CNTN4: variants seen among roughly 807,000 people sequenced by gnomAD.
The protein encoded by CNTN4 is contactin-4.
CNTN4 carries 77 observed loss-of-function variants against 122.5 expected under a neutral mutation model. The ratio of observed to expected loss-of-function variants is 0.63; its 90% CI spans 0.52 to 0.76. CNTN4 has a LOEUF of 0.76. Among genes scored for constraint, CNTN4 ranks in the 30% least tolerant of loss-of-function variants. The pLI, the probability that CNTN4 is intolerant of heterozygous loss-of-function variation, is 0.00. For synonymous variants in CNTN4, 512 were observed against 447.0 expected, an observed-to-expected ratio of 1.15 and a Z score of -1.83; for missense variants, 1,256 against 1,259.1, an observed-to-expected ratio of 1.00 and a Z score of 0.04.
At chr3:2,918,707 A>G (rs992309220) in intron 12 of CNTN4, among the ~76,000 whole-genome samples, 3 of 152,224 alleles carry the variant, frequency 2.0e-5, no homozygotes, top group African/African-American at 7.2e-5. Context: ...AACATTTACT[A>G]TCACACCAGT....
At chr3:2,437,135 A>G (rs1271372268) in intron 3 of CNTN4, among the ~76,000 whole-genome samples, 1 of 152,106 alleles carries the variant, frequency 6.6e-6, no homozygotes, top group Non-Finnish European at 1.5e-5. Flanking sequence ...TTTTTATGCC[A>G]GTGGATCCTG....
intron 3 of CNTN4, among the ~76,000 whole-genome samples, chr3:2,556,543 C>A (rs187039530): frequency 3.3e-5 from 5 of 152,154 alleles, no homozygotes; most frequent in African/African-American, 1.2e-4. Context: ...TTTTTATAAA[C>A]CATTTTCTTC....
intron 2 of CNTN4, among the ~76,000 whole-genome samples, chr3:2,305,317 C>G (rs2042666334): frequency 6.6e-6 from 1 of 152,066 alleles, no homozygotes; most frequent in Non-Finnish European, 1.5e-5. Flanking sequence ...GTTAATTGTT[C>G]CTATAAATGA....
chr3:2,334,282 C>T lies in CNTN4; in HGVS notation c.-144-4896C>T, dbSNP rs4685510. Among the ~76,000 whole-genome samples the T allele has an allele frequency of 2.2e-4, 34 of 152,120 alleles. 1 individual carries two copies. The highest frequency in any genetic ancestry group is 8.2e-4 in the African/African-American group (34 of 41,498). ...AAGCGATTCTCCTGCCTCAGCCTCC[C>T]AAGTAGCTGGGATTGCAGGTGTGCG... On this transcript the variant is annotated intron_variant, in intron 2 of 24. Transcript: ENST00000418658.
At chr3:2,391,376 A>T (rs980462808) in intron 3 of CNTN4, among the ~76,000 whole-genome samples, 1 of 152,212 alleles carries the variant, frequency 6.6e-6, no homozygotes, top group East Asian at 1.9e-4. Context: ...GTACTATCTC[A>T]GCTCTACATG....
chr3:2,445,981 G>A (rs1262779586), intron 3 of CNTN4, among the ~76,000 whole-genome samples: 4 of 152,064 alleles, frequency 2.6e-5, no homozygotes, highest in African/African-American at 9.7e-5. Context: ...GTTTCCTGTA[G>A]CACCTAGCAG....
chr3:2,287,632 G>GAGAAGGAGAAGAAGAAGAAGAAGA, intron 2 of CNTN4, among the ~76,000 whole-genome samples: 1 of 49,512 alleles, frequency 2.0e-5, no homozygotes, highest in African/African-American at 7.1e-5. Context: ...GAAGGAGAAG[G>GAGAAGGAGAAGAAGAAGAAGAAGA]AGAAGAAGAA....
At chr3:2,735,406 C>T (rs999447156) in intron 4 of CNTN4, among the ~76,000 whole-genome samples, 1 of 152,200 alleles carries the variant, frequency 6.6e-6, no homozygotes. Context: ...AACTTTGTTA[C>T]TGCTCCGTGA....
At chr3:2,162,162 A>G (rs1006377901) in intron 2 of CNTN4, among the ~76,000 whole-genome samples, 1 of 152,228 alleles carries the variant, frequency 6.6e-6, no homozygotes, top group African/African-American at 2.4e-5. Context: ...TATACGCATT[A>G]TATTCATTTC....
chr3:2,527,409 ATGCTGCTGC>A (rs34099392), intron 3 of CNTN4, among the ~76,000 whole-genome samples: 2 of 149,938 alleles, frequency 1.3e-5, no homozygotes, highest in Non-Finnish European at 1.5e-5. Flanking sequence ...GGAACAATGT[ATGCTGCTGC>A]TGCTGCTGCT....
At chr3:2,802,571 A>G (rs1017234993) in intron 6 of CNTN4, among the ~76,000 whole-genome samples, 2 of 152,232 alleles carry the variant, frequency 1.3e-5, no homozygotes, top group Admixed American at 1.3e-4. Flanking sequence ...AGTCAGCATT[A>G]TGTATTAAAT....
intron 2 of CNTN4, among the ~76,000 whole-genome samples, chr3:2,226,066 A>T (rs1374863182): frequency 6.6e-6 from 1 of 152,172 alleles, no homozygotes; most frequent in Non-Finnish European, 1.5e-5. Flanking sequence ...GGGGGAATAA[A>T]TGTGTTTAAA....
chr3:2,429,952 C>G (rs1027725070), intron 3 of CNTN4, among the ~76,000 whole-genome samples: 1 of 152,158 alleles, frequency 6.6e-6, no homozygotes, highest in African/African-American at 2.4e-5. Flanking sequence ...ACCCAATTTT[C>G]CAGGTGCCAT....
chr3:2,804,078 C>G (rs1269924848), intron 6 of CNTN4, among the ~76,000 whole-genome samples: 1 of 150,932 alleles, frequency 6.6e-6, no homozygotes, highest in Non-Finnish European at 1.5e-5. Context: ...CACACACACA[C>G]ACACACACAC....
chr3:2,624,824 G>A (rs2082122833), intron 4 of CNTN4, among the ~76,000 whole-genome samples: 2 of 151,756 alleles, frequency 1.3e-5, no homozygotes, highest in South Asian at 4.2e-4. Context: ...AGTAGAGACA[G>A]GATTTCACCC....
intron 2 of CNTN4, among the ~76,000 whole-genome samples, chr3:2,314,726 T>C (rs1281733641): frequency 6.6e-6 from 1 of 151,854 alleles, no homozygotes; most frequent in East Asian, 1.9e-4. Context: ...GTAAAAGAAA[T>C]ACAATTACAA....
intron 2 of CNTN4, among the ~76,000 whole-genome samples, chr3:2,152,137 A>G (rs983843105): frequency 1.2e-4 from 18 of 152,252 alleles, no homozygotes; most frequent in Non-Finnish European, 2.4e-4. Context: ...GTATTGAAGG[A>G]GACGGGGCAA....
chr3:2,178,162 C>G lies in CNTN4; in HGVS notation c.-145+77523C>G, dbSNP rs146597665. Among the ~76,000 whole-genome samples, 83 of 152,158 alleles carry G rather than the reference C, an allele frequency of 5.5e-4. 1 individual carries two copies. In the East Asian group the frequency reaches 0.012, roughly 22 times the overall value. On this transcript the variant is annotated intron_variant, in intron 2 of 24. Transcript: ENST00000418658. The stretch of plus-strand genomic sequence containing the variant: ...TGGTGTTGAAGGTATTTGTGTAAGG[C>G]TTTTATACTCTGTGAGAGCTTTGAG...
At chr3:2,111,556 T>C (rs4425236) in intron 2 of CNTN4, among the ~76,000 whole-genome samples, 36,903 of 151,994 alleles carry the variant, frequency 0.24, 4,606 homozygotes, top group East Asian at 0.47. Flanking sequence ...TTTTATGTGA[T>C]GTATAGGAAA....
Sources: allele counts gnomAD v4.1 joint callset (sites outside exome capture counted in the v4.1 genomes callset), GRCh38; gene constraint gnomAD v4.1.1; transcripts MANE v1.5; gene names NCBI Gene and HGNC (gene_info 2026-07-23, HGNC 2026-07-21).